The following CHN2 variants were observed in gnomAD, a reference collection of about 807,000 sequenced individuals.
CHN2 encodes chimerin 2.
A neutral mutation model predicts 56.3 loss-of-function variants in CHN2; 35 were observed. The ratio of observed to expected loss-of-function variants is 0.62; its 90% CI spans 0.47 to 0.82. The LOEUF (loss-of-function observed/expected upper bound fraction) is 0.82. Among genes scored for constraint, CHN2 ranks in the 40% least tolerant of loss-of-function variants. The pLI is 0.00. For missense variants in CHN2, 491 were observed against 580.5 expected (o/e 0.85, Z 1.58); for synonymous variants, 210 against 212.8 (o/e 0.99, Z 0.12).
chr7:29,301,342 T>C (rs1031271298), intron 1 of CHN2, among the ~76,000 whole-genome samples: 1 of 141,710 alleles, frequency 7.1e-6, no homozygotes, highest in East Asian at 2.1e-4. Context: ...CTCAAACAGG[T>C]ACACACACAC....
chr7:29,167,020 G>A (rs1256732881), intron 2 of CHN2, among the ~76,000 whole-genome samples: 1 of 151,896 alleles, frequency 6.6e-6, no homozygotes, highest in African/African-American at 2.4e-5. Flanking sequence ...TACTGTATAT[G>A]TACAAGTTAA....
intron 1 of CHN2, among the ~76,000 whole-genome samples, chr7:29,332,377 T>A (rs1796291983): frequency 6.6e-6 from 1 of 152,218 alleles, no homozygotes; most frequent in Non-Finnish European, 1.5e-5. Flanking sequence ...TGCTAGCTGC[T>A]AATACAGACA....
chr7:29,329,588 T>C (rs1432906092), intron 1 of CHN2, among the ~76,000 whole-genome samples: 1 of 152,140 alleles, frequency 6.6e-6, no homozygotes, highest in Admixed American at 6.6e-5. Context: ...GAATATAATT[T>C]CACCGCCCTC....
intron 2 of CHN2, among the ~76,000 whole-genome samples, chr7:29,159,985 A>G (rs1794957463): frequency 6.6e-6 from 1 of 152,172 alleles, no homozygotes; most frequent in Non-Finnish European, 1.5e-5. Context: ...GTTGGTGGTC[A>G]TCTTCTGACT....
chr7:29,161,322 T>A (rs1215975496), intron 2 of CHN2, among the ~76,000 whole-genome samples: 2 of 152,152 alleles, frequency 1.3e-5, no homozygotes, highest in Non-Finnish European at 2.9e-5. Flanking sequence ...AAACACTCCC[T>A]ATAGCACATC....
chr7:29,212,811 C>A, intron 1 of CHN2: 1 of 1,607,574 alleles, frequency 6.2e-7, no homozygotes, highest in Non-Finnish European at 8.5e-7. Flanking sequence ...AAGGCCTCAG[C>A]ACCTACCTAC....
intron 7 of CHN2, among the ~76,000 whole-genome samples, chr7:29,486,762 C>A (rs559632300): frequency 6.6e-6 from 1 of 152,134 alleles, no homozygotes; most frequent in Non-Finnish European, 1.5e-5. Flanking sequence ...ACCCCCACCC[C>A]GTGCTATCCT....
In CHN2 at chr7:29,241,116, C is replaced by A. The variant is rs551097927; in HGVS notation, c.49+46126C>A. 1.1e-4 allele frequency among the ~76,000 whole-genome samples: 17 copies of A among 152,210 alleles called. No individual in the cohort carries two copies. In the South Asian group the frequency reaches 3.3e-3, roughly 30 times the overall value. ...GGCCAGGCTGATCTTGACCTCCTGA[C>A]CTCAAGGGATCCTCCCGCCTCGGCC... On this transcript the variant is annotated intron_variant, in intron 1 of 12. Coordinates refer to ENST00000222792, the MANE Select transcript of CHN2 (RefSeq NM_004067.4).
At chr7:29,347,562 G>A (rs1424091612) in intron 1 of CHN2, among the ~76,000 whole-genome samples, 3 of 152,088 alleles carry the variant, frequency 2.0e-5, no homozygotes, top group Non-Finnish European at 2.9e-5. Flanking sequence ...ATCAAATCTC[G>A]TGAAAACTCA....
intron 2 of CHN2, among the ~76,000 whole-genome samples, chr7:29,181,860 AG>A (rs553673957): frequency 1.3e-5 from 2 of 151,980 alleles, no homozygotes; most frequent in South Asian, 2.1e-4. Flanking sequence ...CTAATTCCTA[AG>A]GGGGGGAAAA....
At chr7:29,490,944 C>T (rs185656769) in intron 7 of CHN2, among the ~76,000 whole-genome samples, 1 of 152,232 alleles carries the variant, frequency 6.6e-6, no homozygotes, top group African/African-American at 2.4e-5. Flanking sequence ...TCAACTTTAG[C>T]TATTTGATCT....
intron 1 of CHN2, among the ~76,000 whole-genome samples, chr7:29,293,930 G>C (rs1466083200): frequency 7.2e-6 from 1 of 138,706 alleles, no homozygotes; most frequent in Non-Finnish European, 1.5e-5. Context: ...GCAGCGGCGC[G>C]ATCTCGGCTC....
At chr7:29,422,558 A>G (rs1002473967) in intron 6 of CHN2, among the ~76,000 whole-genome samples, 24 of 152,264 alleles carry the variant, frequency 1.6e-4, no homozygotes, top group Admixed American at 1.6e-3. Flanking sequence ...AAATATATGT[A>G]TATACTTAGA....
At chr7:29,408,308 C>T (rs1394603227) in intron 6 of CHN2, among the ~76,000 whole-genome samples, 1 of 152,034 alleles carries the variant, frequency 6.6e-6, no homozygotes, top group Non-Finnish European at 1.5e-5. Flanking sequence ...TTTTTTGGCT[C>T]CTCAGGTGAT....
chr7:29,470,387 C>G (rs1340194652), intron 6 of CHN2, among the ~76,000 whole-genome samples: 1 of 152,234 alleles, frequency 6.6e-6, no homozygotes, highest in African/African-American at 2.4e-5. Flanking sequence ...ATCAGCTGCA[C>G]AGCTGTGAGT....
intron 1 of CHN2, among the ~76,000 whole-genome samples, chr7:29,342,223 G>T (rs749928171): frequency 6.6e-6 from 1 of 152,164 alleles, no homozygotes; most frequent in Admixed American, 6.5e-5. Context: ...TGGCTGGATG[G>T]TTAGATGGAT....
chr7:29,195,629 A>AGAGAGGGAGAGAGG (rs869037854), intron 1 of CHN2, among the ~76,000 whole-genome samples: 25 of 117,580 alleles, frequency 2.1e-4, no homozygotes, highest in African/African-American at 9.0e-4. Context: ...AGAGAGAGAG[A>AGAGAGGGAGAGAGG]GTGTGTGTGT....
intron 2 of CHN2, among the ~76,000 whole-genome samples, chr7:29,360,835 C>T (rs1276869295): frequency 6.6e-6 from 1 of 152,206 alleles, no homozygotes; most frequent in Non-Finnish European, 1.5e-5. Context: ...AGGCTGTGGG[C>T]TTTCACCCAT....
intron 2 of CHN2, among the ~76,000 whole-genome samples, chr7:29,356,924 G>C (rs1308125749): frequency 6.6e-6 from 1 of 152,202 alleles, no homozygotes; most frequent in Non-Finnish European, 1.5e-5. Context: ...ACTGGCTCGC[G>C]CATGGCCTTG....
Sources: allele counts gnomAD v4.1 joint callset (sites outside exome capture counted in the v4.1 genomes callset), GRCh38; gene constraint gnomAD v4.1.1; transcripts MANE v1.5; gene names NCBI Gene and HGNC (gene_info 2026-07-23, HGNC 2026-07-21).